CUL5: variants seen among roughly 807,000 people sequenced by gnomAD.
CUL5 encodes cullin 5.
In CUL5, 26 loss-of-function variants were observed where a neutral mutation model predicts 108.8. That is an observed-to-expected ratio of 0.24 (90% CI 0.18 to 0.33). The LOEUF (loss-of-function observed/expected upper bound fraction) is 0.33, where lower values mean the gene tolerates loss of function less well. Ranked by LOEUF, CUL5 falls within the 10% of genes least tolerant of loss-of-function variation. The probability of loss-of-function intolerance (pLI) is 1.00; values close to 1 mark genes in which losing one functional copy is unlikely to be tolerated. For synonymous variants in CUL5, 334 were observed against 298.0 expected, an observed-to-expected ratio of 1.12 and a Z score of -1.25; for missense variants, 524 against 909.2, an observed-to-expected ratio of 0.58 and a Z score of 5.45.
chr11:108,010,307 T>C (rs550698850), intron 1 of CUL5, among the ~76,000 whole-genome samples: 1 of 152,382 alleles, frequency 6.6e-6, no homozygotes, highest in Non-Finnish European at 1.5e-5. Context: ...CACTTCTTCC[T>C]GAGGCCTCTC....
chr11:108,084,201 A>G (rs1203251865), intron 11 of CUL5, among the ~76,000 whole-genome samples: 1 of 152,206 alleles, frequency 6.6e-6, no homozygotes, highest in African/African-American at 2.4e-5. Context: ...GCTGCTGAGA[A>G]CAACTAGAAA....
At chr11:108,063,227 A>G (rs1045842098) in intron 7 of CUL5, among the ~76,000 whole-genome samples, 7 of 152,024 alleles carry the variant, frequency 4.6e-5, no homozygotes, top group Admixed American at 3.3e-4. Flanking sequence ...TCTGGCAACT[A>G]TCCTTTACTC....
At chr11:108,029,027 A>C (rs1298775501) in intron 1 of CUL5, among the ~76,000 whole-genome samples, 1 of 152,188 alleles carries the variant, frequency 6.6e-6, no homozygotes, top group South Asian at 2.1e-4. Context: ...TCTACCTTGA[A>C]TACATTAAGC....
In CUL5 at chr11:108,063,006, C is replaced by T. The variant is rs201607835; in HGVS notation, c.781-7090C>T. Among the ~76,000 whole-genome samples, 70 of 152,102 alleles carry T rather than the reference C, an allele frequency of 4.6e-4. 1 individual carries two copies. The East Asian group carries it at 8.5e-3, about 19-fold the overall frequency. On this transcript the variant is annotated intron_variant, in intron 7 of 18. Coordinates refer to ENST00000393094, the MANE Select transcript of CUL5 (RefSeq NM_003478.6). ...GATTACAGGCATGCACCACCACGCC[C>T]GGCTAATTTTGTATTTTTAGTAGAG... is the stretch of plus-strand genomic sequence containing the variant.
At chr11:108,052,416 A>T (rs1412339922) in intron 4 of CUL5, among the ~76,000 whole-genome samples, 1 of 151,942 alleles carries the variant, frequency 6.6e-6, no homozygotes, top group Admixed American at 6.6e-5. Flanking sequence ...GCACCACCAC[A>T]CTGGGCTATT....
chr11:108,025,879 G>T (rs957244236), intron 1 of CUL5, among the ~76,000 whole-genome samples: 1 of 152,074 alleles, frequency 6.6e-6, no homozygotes, highest in African/African-American at 2.4e-5. Flanking sequence ...TCCCCTCCTT[G>T]TGATGAGGCC....
intron 7 of CUL5, among the ~76,000 whole-genome samples, chr11:108,069,065 G>A (rs1863759771): frequency 2.0e-5 from 3 of 152,088 alleles, no homozygotes; most frequent in African/African-American, 7.2e-5. Flanking sequence ...GACCAGCCTG[G>A]GGAACATAGC....
chr11:108,023,544 G>GA (rs71047666), intron 1 of CUL5, among the ~76,000 whole-genome samples: 28,057 of 151,488 alleles, frequency 0.19, 2,825 homozygotes, highest in Non-Finnish European at 0.23. Flanking sequence ...TTTGAAAAAA[G>GA]AAAAAAAACA....
At position 108,073,422 on chromosome 11, in the gene CUL5, A is replaced by C. The variant is rs1274038425; in HGVS notation, c.1038A>C (p.Thr346=). The change falls in exon 10 of 19, where the codon ACA becomes ACC. Residue 346 remains threonine, a synonymous_variant. Coordinates refer to ENST00000393094, the MANE Select transcript of CUL5 (RefSeq NM_003478.6). The part of the protein sequence containing the change: ...DSEKYVEQLL[T]LFNRFSKLVK... ...AGAAATACGTTGAGCAGTTACTTACACTATTTAATAGATTTAGTAAACTCG... is the reference window on the plus strand; with the variant it reads ...AGAAATACGTTGAGCAGTTACTTACCCTATTTAATAGATTTAGTAAACTCG... The C allele has an allele frequency of 6.3e-7, 1 of 1,585,416 alleles. No homozygotes were observed. Among genetic ancestry groups the C allele is most frequent in the Non-Finnish European group, 8.6e-7 (1 of 1,163,946 alleles).
At position 108,097,631 on chromosome 11, in the gene CUL5, C is replaced by T. The variant is rs375406207; in HGVS notation, c.1906-5C>T. On this transcript the variant is annotated splice_region_variant and splice_polypyrimidine_tract_variant and intron_variant, in intron 16 of 18. Coordinates refer to ENST00000393094, the MANE Select transcript of CUL5 (RefSeq NM_003478.6). ...TGCTAATTGTTTTCTCCTTATTCTT[C>T]ATAGTCTTTAGTAGCTTTCCCAAAA... 1 of 1,542,694 alleles carries T rather than the reference C, an allele frequency of 6.5e-7. No individual in the cohort carries two copies. Among genetic ancestry groups the T allele is most frequent in the Non-Finnish European group, 9.0e-7 (1 of 1,115,882 alleles).
intron 2 of CUL5, among the ~76,000 whole-genome samples, chr11:108,037,347 C>CT (rs1030149575): frequency 5.3e-5 from 8 of 152,200 alleles, no homozygotes; most frequent in Non-Finnish European, 8.8e-5. Flanking sequence ...GTTTGTCATC[C>CT]TACTGCTTCT....
intron 7 of CUL5, among the ~76,000 whole-genome samples, chr11:108,067,357 A>T (rs1863712176): frequency 6.6e-6 from 1 of 152,120 alleles, no homozygotes; most frequent in African/African-American, 2.4e-5. Flanking sequence ...GTTTACTTTA[A>T]TTATGTTGTC....
intron 13 of CUL5, among the ~76,000 whole-genome samples, chr11:108,094,052 T>A (rs1864426481): frequency 6.6e-6 from 1 of 152,198 alleles, no homozygotes; most frequent in Non-Finnish European, 1.5e-5. Flanking sequence ...GATTTGTGGA[T>A]CAAAGAGCTA....
chr11:108,056,498 C>T (rs543335340), intron 7 of CUL5, among the ~76,000 whole-genome samples: 121 of 151,978 alleles, frequency 8.0e-4, no homozygotes, highest in Non-Finnish European at 1.0e-3. Flanking sequence ...CAGTATGTAT[C>T]CTCTTTGGTT....
At chr11:108,042,528 T>G (rs1438549054) in intron 2 of CUL5, among the ~76,000 whole-genome samples, 1 of 151,986 alleles carries the variant, frequency 6.6e-6, no homozygotes, top group Non-Finnish European at 1.5e-5. Flanking sequence ...GGCCCACAAT[T>G]CTATATACTG....
rs1394756651 is a variant in CUL5 at position 108,089,485 on chromosome 11, C to G, written c.1312-7C>G. ...AAGAACTGAAAGTAACTTTATTTTTCATACAGCTCTTGGTACTTAAGTATG... is the reference window on the plus strand; with the variant it reads ...AAGAACTGAAAGTAACTTTATTTTTGATACAGCTCTTGGTACTTAAGTATG... On this transcript the variant is annotated splice_region_variant and splice_polypyrimidine_tract_variant and intron_variant, in intron 12 of 18. Coordinates refer to ENST00000393094, the MANE Select transcript of CUL5 (RefSeq NM_003478.6). 1.3e-6 allele frequency: 2 copies of G among 1,535,358 alleles called. No homozygotes were observed. Among genetic ancestry groups the G allele is most frequent in the Non-Finnish European group, 8.7e-7 (1 of 1,146,328 alleles).
chr11:108,098,187 A>C (rs566166684), intron 17 of CUL5, among the ~76,000 whole-genome samples: 1 of 152,340 alleles, frequency 6.6e-6, no homozygotes, highest in South Asian at 2.1e-4. Flanking sequence ...GTTTTTACAG[A>C]GAATGTAGTC....
At chr11:108,011,730 C>A (rs1405546572) in intron 1 of CUL5, among the ~76,000 whole-genome samples, 1 of 151,974 alleles carries the variant, frequency 6.6e-6, no homozygotes, top group African/African-American at 2.4e-5. Flanking sequence ...CGGGTTCAAG[C>A]GATTCTTCTG....
chr11:108,023,313 G>A (rs1862372141), intron 1 of CUL5, among the ~76,000 whole-genome samples: 1 of 152,126 alleles, frequency 6.6e-6, no homozygotes, highest in Admixed American at 6.6e-5. Context: ...TTCACTCCCT[G>A]AATGGTGTCT....
Sources: allele counts gnomAD v4.1 joint callset (sites outside exome capture counted in the v4.1 genomes callset), GRCh38; gene constraint gnomAD v4.1.1; transcripts MANE v1.5; gene names NCBI Gene and HGNC (gene_info 2026-07-23, HGNC 2026-07-21).